DISC1: variants seen among roughly 807,000 people sequenced by gnomAD.
The protein encoded by DISC1 is disrupted in schizophrenia 1 protein.
DISC1 carries 57 observed loss-of-function variants against 84.5 expected under a neutral mutation model. The observed-to-expected ratio is 0.67, with a 90% confidence interval of 0.55 to 0.84. The LOEUF (loss-of-function observed/expected upper bound fraction) is 0.84. Ranked by LOEUF, DISC1 falls within the 40% of genes least tolerant of loss-of-function variation. The probability of loss-of-function intolerance (pLI) is 0.00; values close to 1 mark genes in which losing one functional copy is unlikely to be tolerated. For missense variants in DISC1, 1,000 were observed against 1,057.8 expected, an observed-to-expected ratio of 0.95 and a Z score of 0.76; for synonymous variants, 411 against 415.2, an observed-to-expected ratio of 0.99 and a Z score of 0.12.
At chr1:231,825,694 G>A (rs2081814597) in intron 9 of DISC1, among the ~76,000 whole-genome samples, 2 of 151,874 alleles carry the variant, frequency 1.3e-5, no homozygotes, top group South Asian at 2.1e-4. Context: ...ATGCCCCCAG[G>A]TAGGAGTGGT....
intron 3 of DISC1, among the ~76,000 whole-genome samples, chr1:231,732,277 T>A (rs915562951): frequency 6.6e-6 from 1 of 152,192 alleles, no homozygotes; most frequent in Non-Finnish European, 1.5e-5. Context: ...ATCATGAATT[T>A]TTTTACAACC....
rs2086049122 is a variant in DISC1 at position 231,878,451 on chromosome 1, C to T, written c.1981+59934C>T. On this transcript the variant is annotated intron_variant, in intron 9 of 12. Coordinates refer to ENST00000439617, the MANE Select transcript of DISC1 (RefSeq NM_018662.3). ...AAGACTGCAAGGCCGCAGGGGGTTG[C>T]TGGCTTCAAGGGATGGAGAAAAGAC... 2.6e-5 allele frequency among the ~76,000 whole-genome samples: 4 copies of T among 152,078 alleles called. No homozygotes were observed. The South Asian group carries it at 8.3e-4, about 32-fold the overall frequency.
chr1:231,651,237 A>T (rs1002251481), intron 1 of DISC1, among the ~76,000 whole-genome samples: 2 of 152,178 alleles, frequency 1.3e-5, no homozygotes, highest in South Asian at 2.1e-4. Context: ...GGTGACCTAC[A>T]GATGGGGTTT....
intron 3 of DISC1, among the ~76,000 whole-genome samples, chr1:231,745,077 AT>A (rs1390981394): frequency 6.6e-6 from 1 of 152,036 alleles, no homozygotes; most frequent in African/African-American, 2.4e-5. Flanking sequence ...TAATATCTTT[AT>A]TTTTTGTCAA....
chr1:231,726,870 C>T (rs754613053), intron 3 of DISC1, among the ~76,000 whole-genome samples: 1 of 152,182 alleles, frequency 6.6e-6, no homozygotes, highest in Non-Finnish European at 1.5e-5. Context: ...CATGATCTCT[C>T]TCTTAGCCTA....
At chr1:231,661,432 G>A (rs577886699) in intron 1 of DISC1, among the ~76,000 whole-genome samples, 1 of 152,118 alleles carries the variant, frequency 6.6e-6, no homozygotes, top group Admixed American at 6.5e-5. Flanking sequence ...TGGAGGTTTT[G>A]TTCATTCCTT....
intron 10 of DISC1, among the ~76,000 whole-genome samples, chr1:231,972,189 T>A (rs1335877773): frequency 1.3e-5 from 2 of 152,224 alleles, no homozygotes; most frequent in Non-Finnish European, 2.9e-5. Context: ...TTTTGTTTTG[T>A]TGATGGCATT....
chr1:232,000,760 A>G (rs1354165646), intron 10 of DISC1, among the ~76,000 whole-genome samples: 2 of 152,236 alleles, frequency 1.3e-5, no homozygotes, highest in Non-Finnish European at 2.9e-5. Flanking sequence ...ATCTGAAACT[A>G]TGGAAGCCAG....
At chr1:231,737,659 G>T (rs377001772) in intron 3 of DISC1, among the ~76,000 whole-genome samples, 2 of 152,194 alleles carry the variant, frequency 1.3e-5, no homozygotes, top group Non-Finnish European at 1.5e-5. Context: ...TACAGCACTT[G>T]TAGTGCTGGG....
intron 12 of DISC1, among the ~76,000 whole-genome samples, chr1:232,034,125 G>C (rs1237475218): frequency 6.6e-6 from 1 of 152,094 alleles, no homozygotes; most frequent in Non-Finnish European, 1.5e-5. Context: ...CAAATAAAAT[G>C]TGATTTTAAT....
chr1:231,950,154 T>G (rs1012637928), intron 9 of DISC1, among the ~76,000 whole-genome samples: 1 of 151,322 alleles, frequency 6.6e-6, no homozygotes, highest in Non-Finnish European at 1.5e-5. Context: ...TAAAACAAAG[T>G]CCCAAATTTT....
intron 3 of DISC1, among the ~76,000 whole-genome samples, chr1:231,710,825 A>T (rs1407549667): frequency 6.6e-6 from 1 of 152,160 alleles, no homozygotes; most frequent in Admixed American, 6.5e-5. Context: ...TCCAAATACA[A>T]TTAAATTCTG....
chr1:231,783,730 C>T lies in DISC1; in HGVS notation c.1635-11512C>T, dbSNP rs12121322. On this transcript the variant is annotated intron_variant, in intron 6 of 12. Coordinates refer to ENST00000439617, the MANE Select transcript of DISC1 (RefSeq NM_018662.3). Reference sequence around the variant, plus strand: ...ATGGCACGGGGTGAGGGTGTGAACGCGTGTGTGTGCTACCTTACTCATATG... The same window carrying T: ...ATGGCACGGGGTGAGGGTGTGAACGTGTGTGTGTGCTACCTTACTCATATG... Among the ~76,000 whole-genome samples, 265 of 152,216 alleles carry T rather than the reference C, an allele frequency of 1.7e-3. 4 individuals are homozygous for T. The highest frequency in any genetic ancestry group is 6.2e-3 in the South Asian group (30 of 4,822).
Position 232,009,436 on chromosome 1 carries a change from T to A in DISC1, c.2307+387T>A. ...TTTAACATATATACTATACATTATG[T>A]ATTGTATGTCATATATGATGTTTAT... On this transcript the variant is annotated intron_variant, in intron 11 of 12. Transcript: ENST00000439617. The surrounding 1 kb of genome is among the most constrained non-coding windows in gnomAD (Gnocchi z 4.6). 1 of 575,892 alleles carries A rather than the reference T, an allele frequency of 1.7e-6. No homozygotes were observed. Among genetic ancestry groups the A allele is most frequent in the Non-Finnish European group, 2.1e-6 (1 of 466,294 alleles). The allele number at this position is 575,892 out of a possible 1,614,324, so 35.7% of individuals were successfully genotyped here. A position where few individuals can be genotyped will look rare whatever the true frequency, so the allele number is the denominator to read the frequency against.
At chr1:231,853,188 C>A (rs1019355020) in intron 9 of DISC1, among the ~76,000 whole-genome samples, 1 of 152,128 alleles carries the variant, frequency 6.6e-6, no homozygotes, top group African/African-American at 2.4e-5. Context: ...AATAAACTAC[C>A]ATTATCCTTT....
intron 10 of DISC1, among the ~76,000 whole-genome samples, chr1:231,982,126 A>G (rs1663691449): frequency 6.6e-6 from 1 of 152,226 alleles, no homozygotes; most frequent in Non-Finnish European, 1.5e-5. Flanking sequence ...GAGAAGAGAG[A>G]GGAGAAGTAA....
intron 9 of DISC1, among the ~76,000 whole-genome samples, chr1:231,886,528 C>T (rs146814265): frequency 4.9e-4 from 74 of 152,298 alleles, no homozygotes; most frequent in African/African-American, 1.4e-3. Context: ...GAATTGAATC[C>T]GTCCAGTTTG....
At chr1:231,781,381 A>G (rs577350713) in intron 6 of DISC1, among the ~76,000 whole-genome samples, 12 of 152,236 alleles carry the variant, frequency 7.9e-5, no homozygotes, top group African/African-American at 2.6e-4. Flanking sequence ...ATTATTGTTT[A>G]GGTAGCTCTT....
intron 9 of DISC1, among the ~76,000 whole-genome samples, chr1:231,919,981 C>T (rs532230495): frequency 2.0e-5 from 3 of 152,280 alleles, no homozygotes; most frequent in African/African-American, 4.8e-5. Flanking sequence ...TCAGCCTTGA[C>T]ACTATTGACG....
Sources: gnomAD v4.1 joint callset for allele counts (sites outside exome capture counted in the v4.1 genomes callset) on GRCh38, gnomAD v4.1.1 for gene constraint, Gnocchi (gnomAD v3.1) non-coding constraint, MANE v1.5 for transcripts, NCBI Gene and HGNC (gene_info 2026-07-23, HGNC 2026-07-21) for gene names.